Variants in ADAM22 observed in about 807,000 individuals in gnomAD.
ADAM22 encodes the protein ADAM metallopeptidase domain 22.
Under a neutral mutation model 144.6 loss-of-function variants are expected in ADAM22, and 65 were observed. The observed-to-expected ratio is 0.45, with a 90% confidence interval of 0.37 to 0.55. The LOEUF (loss-of-function observed/expected upper bound fraction) is 0.55, where lower values mean the gene tolerates loss of function less well. Ranked by LOEUF, ADAM22 falls within the 20% of genes least tolerant of loss-of-function variation. The pLI, the probability that ADAM22 is intolerant of heterozygous loss-of-function variation, is 0.00. For missense variants in ADAM22, 974 were observed against 1,184.9 expected, an observed-to-expected ratio of 0.82 and a Z score of 2.61; for synonymous variants, 391 against 412.6, an observed-to-expected ratio of 0.95 and a Z score of 0.63.
chr7:88,145,592 CAG>C, intron 17 of ADAM22, 85 bp downstream of exon 17: 1 of 1,076,852 alleles, frequency 9.3e-7, no homozygotes, highest in Non-Finnish European at 1.4e-6. Context: ...AATCTAATAA[CAG>C]AAATAGTATC....
chr7:87,967,144 C>T (rs1849319165), intron 2 of ADAM22, among the ~76,000 whole-genome samples: 3 of 152,156 alleles, frequency 2.0e-5, no homozygotes, highest in Admixed American at 2.0e-4. Flanking sequence ...GAGGCCTCCC[C>T]ACCCCTGTGA....
At chr7:88,007,296 T>C (rs1261678451) in intron 3 of ADAM22, among the ~76,000 whole-genome samples, 2 of 152,136 alleles carry the variant, frequency 1.3e-5, no homozygotes, top group Non-Finnish European at 2.9e-5. Flanking sequence ...GTAGGAAGAA[T>C]CAATATCGTG....
intron 2 of ADAM22, among the ~76,000 whole-genome samples, chr7:87,955,630 C>T (rs1430930514): frequency 2.0e-5 from 3 of 152,178 alleles, no homozygotes; most frequent in Non-Finnish European, 4.4e-5. Context: ...TCTCCAGCTG[C>T]GTGCTGGGAG....
chr7:88,101,529 C>T (rs1257966101), intron 4 of ADAM22, among the ~76,000 whole-genome samples: 6 of 152,154 alleles, frequency 3.9e-5, no homozygotes, highest in African/African-American at 1.4e-4. Flanking sequence ...CCCAGGCAAA[C>T]TGGAAGTTTG....
At chr7:88,089,379 T>C (rs1035298795) in intron 4 of ADAM22, among the ~76,000 whole-genome samples, 2 of 152,188 alleles carry the variant, frequency 1.3e-5, no homozygotes, top group Admixed American at 1.3e-4. Flanking sequence ...TAGAGACTTG[T>C]GTGTTTTTTC....
chr7:88,196,367 C>G lies in ADAM22; in HGVS notation c.2875-104C>G, dbSNP rs1850668163. ...CTTTGCAAGAGTGTGCATCCACAAT[C>G]ACATATATATGGATGGAATCACTGA... On this transcript the variant is annotated intron_variant, in intron 31 of 31. Transcript: ENST00000413139. The G allele has an allele frequency of 5.3e-6, 7 of 1,322,884 alleles. No homozygotes were observed. In the Admixed American group the frequency reaches 1.0e-4, roughly 19 times the overall value. 81.9% of individuals were successfully genotyped at this position (1,322,884 alleles called of 1,614,324 possible).
chr7:87,970,742 T>A (rs1282376032), intron 2 of ADAM22, among the ~76,000 whole-genome samples: 1 of 152,188 alleles, frequency 6.6e-6, no homozygotes, highest in African/African-American at 2.4e-5. Flanking sequence ...TTATATTAAT[T>A]CCGCATTTTA....
intron 14 of ADAM22, among the ~76,000 whole-genome samples, chr7:88,142,057 C>T (rs1834850479): frequency 6.6e-6 from 1 of 151,780 alleles, no homozygotes; most frequent in South Asian, 2.1e-4. Context: ...TAAAAAAAAC[C>T]TCAAACCTGA....
intron 26 of ADAM22, among the ~76,000 whole-genome samples, chr7:88,178,636 C>T (rs970663291): frequency 6.6e-6 from 1 of 151,968 alleles, no homozygotes; most frequent in African/African-American, 2.4e-5. Context: ...GACAAAAATG[C>T]ACTTAACATT....
chr7:87,996,573 C>G (rs1191705629), intron 3 of ADAM22, among the ~76,000 whole-genome samples: 1 of 152,210 alleles, frequency 6.6e-6, no homozygotes, highest in African/African-American at 2.4e-5. Context: ...GGGAGACAAG[C>G]ATTCAGTTCA....
intron 4 of ADAM22, among the ~76,000 whole-genome samples, chr7:88,088,899 A>G (rs1482550247): frequency 6.6e-6 from 1 of 151,946 alleles, no homozygotes; most frequent in Non-Finnish European, 1.5e-5. Context: ...TTAGTGACAG[A>G]GTTCAGTTTA....
chr7:88,064,667 G>A (rs1041265190), intron 3 of ADAM22, among the ~76,000 whole-genome samples: 1 of 152,132 alleles, frequency 6.6e-6, no homozygotes, highest in Admixed American at 6.6e-5. Context: ...GTGGCAGACA[G>A]GATAGAAGGG....
intron 24 of ADAM22, among the ~76,000 whole-genome samples, 188 bp from the exon 25 acceptor site, chr7:88,167,949 G>A (rs4236505): frequency 0.29 from 43,692 of 152,058 alleles, 8,301 homozygotes; most frequent in East Asian, 0.54. Flanking sequence ...AAGGACATTT[G>A]CCAAAAATTA....
chr7:88,038,811 C>T (rs1274899930), intron 3 of ADAM22, among the ~76,000 whole-genome samples: 12 of 150,906 alleles, frequency 8.0e-5, no homozygotes, highest in Admixed American at 4.6e-4. Flanking sequence ...GACAGAGTCT[C>T]GCTCTGTTGC....
At chr7:87,995,378 C>T (rs1386971580) in intron 3 of ADAM22, among the ~76,000 whole-genome samples, 1 of 152,172 alleles carries the variant, frequency 6.6e-6, no homozygotes, top group Non-Finnish European at 1.5e-5. Flanking sequence ...CAGGTTATCC[C>T]AGCCATGCAA....
chr7:88,110,344 T>G (rs1433274104), intron 5 of ADAM22, among the ~76,000 whole-genome samples: 4 of 151,318 alleles, frequency 2.6e-5, no homozygotes, highest in East Asian at 1.9e-4. Context: ...AAATGAAGTG[T>G]TTTTTTTCCC....
intron 4 of ADAM22, among the ~76,000 whole-genome samples, chr7:88,097,161 T>C (rs2129485951): frequency 6.7e-6 from 1 of 148,400 alleles, no homozygotes; most frequent in African/African-American, 2.5e-5. Context: ...CTTTTTTTTT[T>C]TTTTTTTTGA....
intron 3 of ADAM22, among the ~76,000 whole-genome samples, chr7:88,033,022 T>C (rs540181074): frequency 2.6e-5 from 4 of 152,244 alleles, no homozygotes; most frequent in Non-Finnish European, 5.9e-5. Context: ...GGTAGTTCTT[T>C]ATAGCAGTGT....
intron 24 of ADAM22, 51 bp downstream of exon 24, chr7:88,165,997 G>A (rs1262127090): frequency 2.2e-6 from 3 of 1,349,518 alleles, no homozygotes; most frequent in African/African-American, 3.0e-5. Flanking sequence ...CAAAGAGAAA[G>A]CTGCTCTCTG....
Sources: allele counts gnomAD v4.1 joint callset (sites outside exome capture counted in the v4.1 genomes callset), GRCh38; gene constraint gnomAD v4.1.1; transcripts MANE v1.5; gene names NCBI Gene and HGNC (gene_info 2026-07-23, HGNC 2026-07-21).